PCBD2: variants seen among roughly 807,000 people sequenced by gnomAD.
PCBD2 encodes pterin-4-alpha-carbinolamine dehydratase 2.
Under a neutral mutation model 16.4 loss-of-function variants are expected in PCBD2, and 12 were observed. That is an observed-to-expected ratio of 0.73 (90% CI 0.47 to 1.19). The LOEUF (loss-of-function observed/expected upper bound fraction) is 1.19. PCBD2 is among the 50% of genes most tolerant of loss of function. PCBD2 has a pLI of 0.00. For synonymous variants in PCBD2, 58 were observed against 61.8 expected (o/e 0.94, Z 0.29); for missense variants, 138 against 156.8 (o/e 0.88, Z 0.64).
chr5:134,958,528 C>T (rs1751438828), intron 2 of PCBD2, among the ~76,000 whole-genome samples: 2 of 152,194 alleles, frequency 1.3e-5, no homozygotes, highest in South Asian at 2.1e-4. Context: ...TCCTGTCCTG[C>T]CTGGGAGGTG....
Position 134,910,402 on chromosome 5 carries a change from G to A in PCBD2, c.152G>A (p.Gly51Glu). ...GCTATACTTGACCTTAAAGCAGCAG[G>A]ATGGTCGGAATTAAGTGAGAGAGAT... ...NQAILDLKAA[G>E]WSELSERDAI... Residue 51 changes from glycine to glutamate, a missense_variant, in exon 2 of 4, where the codon GGA (glycine) becomes GAA (glutamate). Coordinates refer to ENST00000254908, the MANE Select transcript of PCBD2 (RefSeq NM_032151.5). 6.2e-7 allele frequency: 1 copy of A among 1,614,082 alleles called. No individual in the cohort carries two copies. Among genetic ancestry groups the A allele is most frequent in the South Asian group, 1.1e-5 (1 of 91,082 alleles).
chr5:134,916,130 A>T (rs1750830294), intron 2 of PCBD2, among the ~76,000 whole-genome samples: 1 of 152,176 alleles, frequency 6.6e-6, no homozygotes, highest in South Asian at 2.1e-4. Context: ...CTCTACAAAA[A>T]TAAAAATTAG....
intron 2 of PCBD2, among the ~76,000 whole-genome samples, chr5:134,938,420 G>A (rs1424695928): frequency 6.6e-6 from 1 of 152,198 alleles, no homozygotes; most frequent in Non-Finnish European, 1.5e-5. Context: ...TTTATAAAAT[G>A]ATGTGGGTAT....
chr5:134,960,122 C>T (rs116434384), intron 3 of PCBD2, among the ~76,000 whole-genome samples: 5,685 of 151,892 alleles, frequency 0.037, 331 homozygotes, highest in African/African-American at 0.13. Context: ...TCAGGTGATC[C>T]GGCCTCCCAA....
intron 2 of PCBD2, among the ~76,000 whole-genome samples, chr5:134,911,705 C>T (rs1750770673): frequency 6.6e-6 from 1 of 152,204 alleles, no homozygotes. Flanking sequence ...ATGTCATTGG[C>T]TCCACTGAGC....
intron 2 of PCBD2, among the ~76,000 whole-genome samples, chr5:134,952,157 T>C (rs1751365789): frequency 7.0e-6 from 1 of 143,416 alleles, no homozygotes; most frequent in Non-Finnish European, 1.5e-5. Context: ...GCTGTTGACT[T>C]TTTTTTTTTT....
intron 2 of PCBD2, among the ~76,000 whole-genome samples, chr5:134,953,406 G>A (rs1751380565): frequency 6.7e-6 from 1 of 148,698 alleles, no homozygotes; most frequent in Non-Finnish European, 1.5e-5. Flanking sequence ...CCTATATATA[G>A]TATTATATAC....
rs558809455 is a variant in PCBD2 at position 134,962,507 on chromosome 5, C to T, written c.*1826C>T. Among the ~76,000 whole-genome samples the T allele has an allele frequency of 1.4e-4, 21 of 152,282 alleles. No homozygotes were observed. The highest frequency in any genetic ancestry group is 5.1e-4 in the African/African-American group (21 of 41,552). Reference sequence around the variant, plus strand: ...GGCTCAAATGATCTTCCTGCCTTGACCCCCCAAAGTGCTGGGATTACAGGC... The same window carrying T: ...GGCTCAAATGATCTTCCTGCCTTGATCCCCCAAAGTGCTGGGATTACAGGC... On this transcript the variant is annotated 3_prime_UTR_variant, in exon 4 of 4. Coordinates refer to ENST00000254908, the MANE Select transcript of PCBD2 (RefSeq NM_032151.5).
At chr5:134,911,909 C>G (rs1051384096) in intron 2 of PCBD2, among the ~76,000 whole-genome samples, 24 of 152,218 alleles carry the variant, frequency 1.6e-4, no homozygotes, top group Non-Finnish European at 2.9e-5. Context: ...TGCATAAGCT[C>G]TAGGTAGCAT....
chr5:134,946,364 G>A (rs1751295677), intron 2 of PCBD2, among the ~76,000 whole-genome samples: 1 of 152,102 alleles, frequency 6.6e-6, no homozygotes, highest in Admixed American at 6.5e-5. Flanking sequence ...TGGGCTTCTT[G>A]CTTGACACAG....
chr5:134,937,462 T>C (rs1751172876), intron 2 of PCBD2, among the ~76,000 whole-genome samples: 1 of 152,232 alleles, frequency 6.6e-6, no homozygotes, highest in Admixed American at 6.5e-5. Context: ...AAGAATAGGT[T>C]CTGCTGGTAA....
At chr5:134,926,718 T>A (rs769864696) in intron 2 of PCBD2, 4 of 397,068 alleles carry the variant, frequency 1.0e-5, no homozygotes, top group Middle Eastern at 6.3e-4. Context: ...AGGGGATAGG[T>A]GTATGAACAT....
At chr5:134,920,266 C>G (rs1750886951) in intron 2 of PCBD2, among the ~76,000 whole-genome samples, 1 of 152,282 alleles carries the variant, frequency 6.6e-6, no homozygotes, top group African/African-American at 2.4e-5. Flanking sequence ...AGATTGAGAT[C>G]ATGGAATTAC....
intron 2 of PCBD2, among the ~76,000 whole-genome samples, chr5:134,922,398 C>T (rs960319933): frequency 6.6e-6 from 1 of 151,978 alleles, no homozygotes; most frequent in African/African-American, 2.4e-5. Flanking sequence ...CCTTTCCATG[C>T]CCCATCTCAC....
intron 2 of PCBD2, among the ~76,000 whole-genome samples, chr5:134,956,822 C>T (rs1026836096): frequency 4.6e-5 from 7 of 152,198 alleles, no homozygotes; most frequent in Admixed American, 3.3e-4. Context: ...GTAGTTTGGT[C>T]AGAAGCAGTA....
At chr5:134,929,567 G>A (rs1390587502) in intron 2 of PCBD2, among the ~76,000 whole-genome samples, 1 of 152,090 alleles carries the variant, frequency 6.6e-6, no homozygotes, top group Non-Finnish European at 1.5e-5. Flanking sequence ...GAGAGGAGGT[G>A]GAGATCTTAT....
At chr5:134,959,142 G>A (rs1027267192) in intron 3 of PCBD2, 22 bp downstream of exon 3, 2 of 1,538,868 alleles carry the variant, frequency 1.3e-6, no homozygotes, top group Non-Finnish European at 1.8e-6. Flanking sequence ...GCCTTATTTG[G>A]GAATCACCTT....
At chr5:134,940,282 GT>G (rs1253517250) in intron 2 of PCBD2, among the ~76,000 whole-genome samples, 1 of 152,160 alleles carries the variant, frequency 6.6e-6, no homozygotes, top group Non-Finnish European at 1.5e-5. Flanking sequence ...AGCCTCCGGG[GT>G]TTAGGGCAAG....
chr5:134,910,493 C>A, intron 2 of PCBD2, 27 bp downstream of exon 2: 1 of 1,611,984 alleles, frequency 6.2e-7, no homozygotes, highest in Non-Finnish European at 8.5e-7. Flanking sequence ...CTTGCTAGGG[C>A]TGTGGTCTAT....
Sources: gnomAD v4.1 joint callset for allele counts (sites outside exome capture counted in the v4.1 genomes callset) on GRCh38, gnomAD v4.1.1 for gene constraint, MANE v1.5 for transcripts, NCBI Gene and HGNC (gene_info 2026-07-23, HGNC 2026-07-21) for gene names.